DNAH7: variants seen among roughly 807,000 people sequenced by gnomAD.
The protein encoded by DNAH7 is axonemal beta dynein heavy chain 7.
DNAH7 carries 397 observed loss-of-function variants against 444.6 expected under a neutral mutation model. The ratio of observed to expected loss-of-function variants is 0.89; its 90% CI spans 0.82 to 0.97. The LOEUF (loss-of-function observed/expected upper bound fraction) is 0.97. DNAH7 is among the 50% of genes least tolerant of loss of function. The probability of loss-of-function intolerance (pLI) is 0.00; values close to 1 mark genes in which losing one functional copy is unlikely to be tolerated. For synonymous variants in DNAH7, 1,636 were observed against 1,624.4 expected (o/e 1.01, Z -0.17); for missense variants, 4,902 against 4,800.8 (o/e 1.02, Z -0.62).
intron 1 of DNAH7, among the ~76,000 whole-genome samples, chr2:196,064,544 T>C (rs1330744645): frequency 2.0e-5 from 3 of 152,116 alleles, no homozygotes; most frequent in Non-Finnish European, 4.4e-5. Context: ...TGAACACTTA[T>C]GTATCTTCAA....
At chr2:195,752,913 A>G (rs1693870664) in intron 63 of DNAH7, among the ~76,000 whole-genome samples, 1 of 152,256 alleles carries the variant, frequency 6.6e-6, no homozygotes, top group African/African-American at 2.4e-5. Context: ...ACCTGCAGAC[A>G]GCATGTAAAG....
At chr2:195,747,633 C>T (rs1693509981) in intron 63 of DNAH7, among the ~76,000 whole-genome samples, 1 of 152,162 alleles carries the variant, frequency 6.6e-6, no homozygotes, top group Non-Finnish European at 1.5e-5. Flanking sequence ...AAAGCTTATC[C>T]ACCATGATCA....
intron 10 of DNAH7, among the ~76,000 whole-genome samples, chr2:196,011,301 T>C (rs1031853752): frequency 6.6e-6 from 1 of 152,120 alleles, no homozygotes; most frequent in Non-Finnish European, 1.5e-5. Context: ...TTATTATGTA[T>C]CAATTTTAAA....
intron 58 of DNAH7, among the ~76,000 whole-genome samples, chr2:195,778,643 AATATAT>A (rs1169066622): frequency 5.3e-5 from 3 of 56,218 alleles, no homozygotes; most frequent in East Asian, 9.5e-4. Flanking sequence ...TAAATAAATA[AATATAT>A]ATATATATAT....
rs1331900280 is a variant in DNAH7 at position 195,960,854 on chromosome 2, T to C, written c.2297A>G (p.Tyr766Cys). The change falls in exon 18 of 65, where the codon TAT becomes TGT. Residue 766 changes from tyrosine to cysteine, a missense_variant. Transcript: ENST00000312428. ...GACAGCAGTTTCATAAAGACGAAGA[T>C]AAGGGTTCAAGCCATCTTGGATTTT... ...RKKIQDGLNP[Y>C]LRLYETAVEF... The C allele has an allele frequency of 6.2e-7, 1 of 1,614,144 alleles. No homozygotes were observed.
Position 195,855,498 on chromosome 2 carries a change from AT to A in DNAH7, c.8595+312del, listed in dbSNP as rs200840026. Among the ~76,000 whole-genome samples the A allele has an allele frequency of 0.021, 3,043 of 145,544 alleles. 229 individuals are homozygous for A. The East Asian group carries it at 0.26, about 13-fold the overall frequency. ...AGTAATCTAAGGCAGACAGACTGAC[AT>A]TTTTTTTTTTTGGAAAGGCCCAGAG... On this transcript the variant is annotated intron_variant, in intron 45 of 64. Transcript: ENST00000312428.
intron 52 of DNAH7, among the ~76,000 whole-genome samples, chr2:195,809,318 C>T (rs1696851808): frequency 1.3e-5 from 2 of 152,110 alleles, no homozygotes; most frequent in African/African-American, 2.4e-5. Context: ...GTATTTATTT[C>T]TTCAGAATTC....
chr2:195,970,035 A>C lies in DNAH7; in HGVS notation c.2118T>G (p.Phe706Leu). Residue 706 changes from phenylalanine to leucine, a missense_variant, in exon 17 of 65, where the codon TTT (phenylalanine) becomes TTG (leucine). Transcript: ENST00000312428. ...LESYAKQSEE[F>L]YSFGDLQDVQ... is the part of the protein sequence containing the mutation. ...CATCCTGAAGATCTCCAAATGAATA[A>C]AATTCTTCTGATTGCTTAGCATAAC... is the stretch of plus-strand genomic sequence containing the variant. The C allele has an allele frequency of 6.2e-7, 1 of 1,613,068 alleles. No individual in the cohort carries two copies. Among genetic ancestry groups the C allele is most frequent in the Non-Finnish European group, 8.5e-7 (1 of 1,179,600 alleles).
intron 19 of DNAH7, among the ~76,000 whole-genome samples, chr2:195,943,057 G>A (rs950481902): frequency 6.6e-6 from 1 of 152,114 alleles, no homozygotes; most frequent in Non-Finnish European, 1.5e-5. Flanking sequence ...GTTTTATAAA[G>A]GGGAGTTCCC....
At chr2:195,830,602 A>G (rs1290346741) in intron 48 of DNAH7, among the ~76,000 whole-genome samples, 10 of 152,240 alleles carry the variant, frequency 6.6e-5, no homozygotes, top group Non-Finnish European at 1.3e-4. Flanking sequence ...GAAATTCATG[A>G]AAGTTTCAGT....
intron 49 of DNAH7, among the ~76,000 whole-genome samples, chr2:195,819,730 C>G (rs1697371673): frequency 6.6e-6 from 1 of 152,092 alleles, no homozygotes; most frequent in Non-Finnish European, 1.5e-5. Context: ...TTCCCCCAAG[C>G]AAAGGACACC....
At chr2:195,925,139 ATT>A (rs533982826) in intron 22 of DNAH7, among the ~76,000 whole-genome samples, 1 of 148,678 alleles carries the variant, frequency 6.7e-6, no homozygotes. Flanking sequence ...ATCTTTTTTT[ATT>A]TTTTTTTTTA....
chr2:195,909,744 G>C (rs552304752), intron 25 of DNAH7, among the ~76,000 whole-genome samples: 1 of 152,102 alleles, frequency 6.6e-6, no homozygotes, highest in South Asian at 2.1e-4. Context: ...CGATGCAATC[G>C]TTCTCAAACT....
At chr2:195,962,524 A>G (rs1374787996) in intron 17 of DNAH7, among the ~76,000 whole-genome samples, 1 of 151,934 alleles carries the variant, frequency 6.6e-6, no homozygotes, top group Non-Finnish European at 1.5e-5. Flanking sequence ...TAATTTTTGT[A>G]ATTTTAGTGG....
intron 14 of DNAH7, among the ~76,000 whole-genome samples, chr2:195,985,865 G>T (rs766923639): frequency 2.0e-5 from 3 of 152,098 alleles, no homozygotes; most frequent in Non-Finnish European, 4.4e-5. Context: ...CCTAGATAAG[G>T]TACTCAAGTC....
At chr2:195,996,460 C>G (rs1376977849) in intron 12 of DNAH7, among the ~76,000 whole-genome samples, 1 of 146,910 alleles carries the variant, frequency 6.8e-6, no homozygotes, top group Non-Finnish European at 1.5e-5. Context: ...GAGTCTCATT[C>G]TGTTGCCCAG....
At chr2:195,961,037 CA>C in intron 17 of DNAH7, 92 bp from the exon 18 acceptor site, 37 of 1,072,426 alleles carry the variant, frequency 3.5e-5, no homozygotes, top group Non-Finnish European at 3.6e-5. Context: ...AAATGTGAGC[CA>C]AAAAAACCTT....
At chr2:196,015,452 C>T (rs1285174053) in intron 9 of DNAH7, among the ~76,000 whole-genome samples, 2 of 152,100 alleles carry the variant, frequency 1.3e-5, no homozygotes, top group Admixed American at 6.6e-5. Flanking sequence ...CTTTCTCAGA[C>T]ATCTGCTTTT....
intron 63 of DNAH7, among the ~76,000 whole-genome samples, chr2:195,745,744 C>G (rs1356918682): frequency 6.6e-6 from 1 of 152,106 alleles, no homozygotes; most frequent in African/African-American, 2.4e-5. Flanking sequence ...CATATCCAGC[C>G]AAACTAAGCT....
Sources: gnomAD v4.1 joint callset for allele counts (sites outside exome capture counted in the v4.1 genomes callset) on GRCh38, gnomAD v4.1.1 for gene constraint, MANE v1.5 for transcripts, NCBI Gene and HGNC (gene_info 2026-07-23, HGNC 2026-07-21) for gene names.